Variants in CHRM3 observed in about 807,000 individuals in gnomAD.
CHRM3 encodes the protein muscarinic acetylcholine receptor M3.
In CHRM3, 11 loss-of-function variants were observed where a neutral mutation model predicts 41.8. The observed-to-expected ratio is 0.26, with a 90% CI of 0.17 to 0.44. The LOEUF (loss-of-function observed/expected upper bound fraction) is 0.44. CHRM3 is among the 20% of genes least tolerant of loss of function. The probability of loss-of-function intolerance (pLI) is 1.00; values close to 1 mark genes in which losing one functional copy is unlikely to be tolerated. For missense variants in CHRM3, 571 were observed against 745.4 expected (o/e 0.77, Z 2.72); for synonymous variants, 297 against 301.4 (o/e 0.99, Z 0.15).
chr1:239,438,921 A>G (rs1220863402), intron 1 of CHRM3, among the ~76,000 whole-genome samples: 1 of 152,106 alleles, frequency 6.6e-6, no homozygotes, highest in African/African-American at 2.4e-5. Flanking sequence ...TATCTCAGGG[A>G]CTCTAGAAAC....
chr1:239,648,789 T>G (rs998186286), intron 4 of CHRM3, among the ~76,000 whole-genome samples: 9 of 152,130 alleles, frequency 5.9e-5, no homozygotes, highest in African/African-American at 2.2e-4. Flanking sequence ...ATGATAAATT[T>G]TTATATGTAT....
chr1:239,848,703 T>C (rs1016148677), intron 6 of CHRM3, among the ~76,000 whole-genome samples: 6 of 152,198 alleles, frequency 3.9e-5, no homozygotes, highest in Non-Finnish European at 8.8e-5. Flanking sequence ...ACTGTTCATT[T>C]ATTCAGAAGT....
chr1:239,740,842 AT>A (rs1664788102), intron 5 of CHRM3, among the ~76,000 whole-genome samples: 2 of 152,230 alleles, frequency 1.3e-5, no homozygotes, highest in African/African-American at 4.8e-5. Context: ...CTGTGGAGAA[AT>A]AAGAATGCTT....
intron 1 of CHRM3, among the ~76,000 whole-genome samples, chr1:239,467,327 A>G (rs1045204255): frequency 1.3e-5 from 2 of 152,040 alleles, no homozygotes; most frequent in African/African-American, 4.8e-5. Flanking sequence ...TTTGAGACAG[A>G]TTCTCGCTCT....
At chr1:239,483,546 A>G (rs897882324) in intron 1 of CHRM3, among the ~76,000 whole-genome samples, 3 of 152,188 alleles carry the variant, frequency 2.0e-5, no homozygotes, top group African/African-American at 4.8e-5. Flanking sequence ...GGCTTTTTCA[A>G]CTGTGAAATC....
At chr1:239,494,630 C>T (rs1231670396) in intron 2 of CHRM3, among the ~76,000 whole-genome samples, 1 of 152,000 alleles carries the variant, frequency 6.6e-6, no homozygotes, top group Non-Finnish European at 1.5e-5. Flanking sequence ...TGGTTTGCTG[C>T]ACCTATCAAC....
At chr1:239,530,475 G>A (rs2148325568) in intron 2 of CHRM3, among the ~76,000 whole-genome samples, 1 of 152,282 alleles carries the variant, frequency 6.6e-6, no homozygotes, top group Non-Finnish European at 1.5e-5. Flanking sequence ...GAGACTTCCA[G>A]AGTGTGACTC....
At chr1:239,490,933 G>T (rs1481934842) in intron 1 of CHRM3, among the ~76,000 whole-genome samples, 1 of 152,034 alleles carries the variant, frequency 6.6e-6, no homozygotes, top group African/African-American at 2.4e-5. Flanking sequence ...TTGACACGGG[G>T]TTGTGCCATG....
Position 239,631,588 on chromosome 1 carries a change from C to A in CHRM3, c.-312-636C>A, listed in dbSNP as rs185860323. Reference sequence around the variant, plus strand: ...TGTTCTTCTGCAAAGCCTGGCACTTCTTTTTCTTTCTCTAGGTTAACCTTC... The same window carrying A: ...TGTTCTTCTGCAAAGCCTGGCACTTATTTTTCTTTCTCTAGGTTAACCTTC... On this transcript the variant is annotated intron_variant, in intron 3 of 6. Coordinates refer to ENST00000676153, the MANE Select transcript of CHRM3 (RefSeq NM_001375978.1). Among the ~76,000 whole-genome samples the A allele has an allele frequency of 7.9e-5, 12 of 152,324 alleles. No individual in the cohort carries two copies. In the East Asian group the frequency reaches 2.1e-3, roughly 27 times the overall value.
intron 5 of CHRM3, among the ~76,000 whole-genome samples, chr1:239,758,007 G>A (rs1162951482): frequency 6.6e-6 from 1 of 152,082 alleles, no homozygotes; most frequent in Non-Finnish European, 1.5e-5. Context: ...GTAATTCCCA[G>A]CACTGCCAAA....
intron 6 of CHRM3, among the ~76,000 whole-genome samples, chr1:239,831,094 C>T (rs1672861136): frequency 6.6e-6 from 1 of 151,994 alleles, no homozygotes; most frequent in African/African-American, 2.4e-5. Flanking sequence ...TCACATGTCT[C>T]CAAGAGGTAA....
intron 5 of CHRM3, among the ~76,000 whole-genome samples, chr1:239,740,468 T>C (rs906635513): frequency 2.0e-5 from 3 of 152,062 alleles, no homozygotes; most frequent in African/African-American, 7.2e-5. Flanking sequence ...GGTTTTTTTT[T>C]TTCTTTAAGT....
At chr1:239,403,976 G>GGA (rs531556599) in intron 1 of CHRM3, among the ~76,000 whole-genome samples, 2,368 of 46,460 alleles carry the variant, frequency 0.051, 283 homozygotes, top group African/African-American at 0.13. Flanking sequence ...AGAGGGAGGG[G>GGA]GAGAGAGAGA....
intron 5 of CHRM3, among the ~76,000 whole-genome samples, chr1:239,724,151 T>G (rs1663226956): frequency 6.6e-6 from 1 of 151,802 alleles, no homozygotes; most frequent in Non-Finnish European, 1.5e-5. Flanking sequence ...AATGTCGACT[T>G]GGTAAGAATG....
intron 1 of CHRM3, among the ~76,000 whole-genome samples, chr1:239,468,519 T>G (rs1164552967): frequency 6.6e-6 from 1 of 152,210 alleles, no homozygotes; most frequent in Non-Finnish European, 1.5e-5. Context: ...CCTATATGAA[T>G]GAAATTTGCT....
At chr1:239,397,596 C>T (rs1460785619) in intron 1 of CHRM3, among the ~76,000 whole-genome samples, 7 of 151,650 alleles carry the variant, frequency 4.6e-5, no homozygotes, top group East Asian at 1.9e-4. Flanking sequence ...CTCTTGAACC[C>T]GGGAGGCAGA....
At chr1:239,643,488 C>T (rs1026789194) in intron 4 of CHRM3, among the ~76,000 whole-genome samples, 1 of 152,208 alleles carries the variant, frequency 6.6e-6, no homozygotes, top group East Asian at 1.9e-4. Flanking sequence ...GCCCCTCCCC[C>T]AGCCGCGCTG....
intron 6 of CHRM3, among the ~76,000 whole-genome samples, chr1:239,870,751 C>T (rs751700223): frequency 1.7e-4 from 26 of 152,184 alleles, no homozygotes; most frequent in Non-Finnish European, 3.7e-4. Flanking sequence ...CTGTCAAAAA[C>T]AGAAGTGCTC....
At chr1:239,586,856 T>C (rs748539533) in intron 3 of CHRM3, among the ~76,000 whole-genome samples, 11 of 152,226 alleles carry the variant, frequency 7.2e-5, no homozygotes, top group Non-Finnish European at 1.2e-4. Flanking sequence ...CTCTTCTTTC[T>C]AGATTCTGTC....
Sources: allele counts gnomAD v4.1 joint callset (sites outside exome capture counted in the v4.1 genomes callset), GRCh38; gene constraint gnomAD v4.1.1; transcripts MANE v1.5; gene names NCBI Gene and HGNC (gene_info 2026-07-23, HGNC 2026-07-21).